The following ZIC3 variants were observed in gnomAD, a reference collection of about 807,000 sequenced individuals.
The protein encoded by ZIC3 is zinc finger protein ZIC 3.
A neutral mutation model predicts 18.3 loss-of-function variants in ZIC3; 6 were observed. That is an observed-to-expected ratio of 0.33 (90% CI 0.18 to 0.65). The LOEUF (loss-of-function observed/expected upper bound fraction) is 0.65, where lower values mean the gene tolerates loss of function less well. ZIC3 is among the 30% of genes least tolerant of loss of function. ZIC3 has a pLI of 0.75. For synonymous variants in ZIC3, 175 were observed against 177.0 expected (o/e 0.99, Z 0.09); for missense variants, 260 against 410.0 (o/e 0.63, Z 3.16).
In ZIC3 at chrX:137,570,689, A is replaced by G. The variant is rs1415581071; in HGVS notation, c.*619A>G. 8.8e-6 allele frequency: 1 copy of G among 113,166 alleles called. No individual in the cohort carries two copies. The highest frequency in any genetic ancestry group is 3.6e-4 in the South Asian group (1 of 2,761). The allele number at this position is 113,166 out of a possible 1,213,427, so 9.3% of individuals were successfully genotyped here. A position where few individuals can be genotyped will look rare whatever the true frequency, so the allele number is the denominator to read the frequency against. ...TTGTAAATACATATCCATTGATGCC[A>G]TATTTATCGTTTGTAATTTAATTAT... On this transcript the variant is annotated 3_prime_UTR_variant, in exon 3 of 3. Coordinates refer to ENST00000287538, the MANE Select transcript of ZIC3 (RefSeq NM_003413.4).
downstream of ZIC3, among the ~76,000 whole-genome samples, chrX:137,574,930 A>T (rs978763662): frequency 3.6e-4 from 40 of 112,090 alleles, 1 homozygote; most frequent in Admixed American, 3.7e-3. Flanking sequence ...GGAAGCGAAG[A>T]AGTTCTTCCT....
At chrX:137,573,674 G>A (rs907669690), downstream of ZIC3, 1 of 113,063 alleles carries the variant, frequency 8.8e-6, no homozygotes, top group African/African-American at 3.2e-5. Flanking sequence ...GAAAAGAGAG[G>A]TTATCTTGGC....
At chrX:137,577,341 G>A (rs1931525525) in exon 3 of ZIC3, 1 of 398,052 alleles carries the variant, frequency 2.5e-6, no homozygotes, top group Admixed American at 4.1e-5. Context: ...AAGAGTAGTA[G>A]CTTCTTCCCT....
downstream of ZIC3, among the ~76,000 whole-genome samples, chrX:137,574,500 C>T (rs994560643): frequency 3.4e-4 from 39 of 113,484 alleles, no homozygotes; most frequent in Non-Finnish European, 6.2e-4. Context: ...CCCAACCCCT[C>T]CCCCGCTTCC....
downstream of ZIC3, among the ~76,000 whole-genome samples, chrX:137,575,974 A>C (rs1931509321): frequency 9.0e-6 from 1 of 111,003 alleles, no homozygotes; most frequent in Non-Finnish European, 1.9e-5. Context: ...TCCTTTTCTT[A>C]TGTGTGATTC....
In ZIC3 at chrX:137,566,610, C is replaced by T; in HGVS notation, c.-82C>T. ...TCCAACCGCCGCCACCCCTTTCCGA[C>T]TACGGCACTTCGGAGATCTCCTCCT... On this transcript the variant is annotated 5_prime_UTR_variant, in exon 1 of 3. Coordinates refer to ENST00000287538, the MANE Select transcript of ZIC3 (RefSeq NM_003413.4). The T allele has an allele frequency of 8.6e-7, 1 of 1,160,568 alleles. No homozygotes were observed. Among genetic ancestry groups the T allele is most frequent in the Non-Finnish European group, 1.1e-6 (1 of 874,845 alleles).
At chrX:137,577,044 A>G, downstream of ZIC3, 1 of 427,535 alleles carries the variant, frequency 2.3e-6, no homozygotes, top group Non-Finnish European at 4.2e-6. Flanking sequence ...TTCATGTGAC[A>G]TTTTATGACA....
rs903525013 is a variant in ZIC3 at position 137,567,063 on chromosome X, C to T, written c.372C>T (p.Ser124=). 18 of 1,179,053 alleles carry T rather than the reference C, an allele frequency of 1.5e-5. No individual in the cohort carries two copies. Among genetic ancestry groups the T allele is most frequent in the Middle Eastern group, 2.3e-4 (1 of 4,333 alleles). ...STREFLFRQR[S]SGLSEAASGG... ...GCGAGTTTCTGTTCCGCCAGCGCAG[C>T]TCCGGGCTCAGTGAGGCGGCCTCGG... The change falls in exon 1 of 3, where the codon AGC becomes AGT. Residue 124 remains serine (S), a synonymous_variant. Transcript: ENST00000287538.
At chrX:137,572,124 T>C (rs964165761), downstream of ZIC3, among the ~76,000 whole-genome samples, 1 of 112,220 alleles carries the variant, frequency 8.9e-6, no homozygotes, top group Non-Finnish European at 1.9e-5. Flanking sequence ...GGTGCCTGAT[T>C]TTTTTTCATG....
chrX:137,566,764 C>T lies in ZIC3; in HGVS notation c.73C>T (p.His25Tyr), dbSNP rs1384553961. The change falls in exon 1 of 3, where the codon CAC becomes TAC. Residue 25 changes from histidine to tyrosine, a missense_variant. Around this residue, in one of 4 missense-constraint regions of ZIC3, gnomAD observed 183 missense variants for 223.8 expected, o/e 0.82. Transcript: ENST00000287538. Reference protein sequence around the residue: ...GVGSFGAPRHHEMPNREPAGM... With the variant: ...GVGSFGAPRHYEMPNREPAGM... The stretch of plus-strand genomic sequence containing the variant: ...GGGCAGCTTCGGCGCGCCGCGCCAC[C>T]ACGAGATGCCCAACCGTGAGCCGGC... The T allele has an allele frequency of 8.4e-7, 1 of 1,189,671 alleles. No individual in the cohort carries two copies. Among genetic ancestry groups the T allele is most frequent in the Non-Finnish European group, 1.1e-6 (1 of 885,936 alleles).
chrX:137,567,778 G>A (rs1225245762), intron 1 of ZIC3, 27 bp downstream of exon 1: 12 of 1,211,671 alleles, frequency 9.9e-6, no homozygotes, highest in South Asian at 3.5e-5. Flanking sequence ...GGCGGGCGTG[G>A]GTTCCACTGG....
chrX:137,575,519 G>A (rs1405154724), downstream of ZIC3, among the ~76,000 whole-genome samples: 1 of 111,265 alleles, frequency 9.0e-6, no homozygotes, highest in Non-Finnish European at 1.9e-5. Flanking sequence ...CTTCAGATGT[G>A]TCTTTTGTGA....
chrX:137,568,339 G>GATCTATCTATCTATCT (rs55777198), intron 1 of ZIC3, among the ~76,000 whole-genome samples: 15 of 79,807 alleles, frequency 1.9e-4, no homozygotes, highest in Non-Finnish European at 2.3e-4. Context: ...TGGATCGATC[G>GATCTATCTATCTATCT]ATCTATCTAT....
rs1931427899 is a variant in ZIC3, at chrX:137,570,878, C to G, written c.*808C>G. The G allele has an allele frequency of 8.9e-6, 1 of 112,767 alleles. No individual in the cohort carries two copies. The highest frequency in any genetic ancestry group is 3.2e-5 in the African/African-American group (1 of 30,947). The allele number at this position is 112,767 out of a possible 1,213,427, so 9.3% of individuals were successfully genotyped here. On this transcript the variant is annotated 3_prime_UTR_variant, in exon 3 of 3. Transcript: ENST00000287538. ...ACTCCTTTCTCTTGTTTTGTAACAG[C>G]CTTCTTCTACAAAGAGGAGATGTGA...
rs925888007 is a variant in ZIC3, at chrX:137,570,280, A to G, written c.*210A>G. On this transcript the variant is annotated 3_prime_UTR_variant, in exon 3 of 3. Coordinates refer to ENST00000287538, the MANE Select transcript of ZIC3 (RefSeq NM_003413.4). ...ATAGAAAATATGTTTTGGCATTTGA[A>G]GCATTTTTTACAAAATCTTTACACT... is the stretch of plus-strand genomic sequence containing the variant. 3.3e-5 allele frequency: 15 copies of G among 460,911 alleles called. No homozygotes were observed. Among genetic ancestry groups the G allele is most frequent in the Non-Finnish European group, 5.1e-5 (14 of 273,191 alleles). The allele number at this position is 460,911 out of a possible 1,213,427, so 38.0% of individuals were successfully genotyped here.
chrX:137,567,395 G>T lies in ZIC3; in HGVS notation c.704G>T (p.Gly235Val), dbSNP rs1931366031. Residue 235 changes from glycine (G) to valine (V), a missense_variant, in exon 1 of 3, where the codon GGG (glycine) becomes GTG (valine). Around this residue, in one of 4 missense-constraint regions of ZIC3, gnomAD observed 183 missense variants for 223.8 expected, o/e 0.82. Coordinates refer to ENST00000287538, the MANE Select transcript of ZIC3 (RefSeq NM_003413.4). ...NMGVNVAAHH[G>V]PGAFFRYMRQ... ...GGAGTGAACGTGGCGGCCCACCACGGGCCCGGCGCCTTCTTCCGTTATATG... is the reference window on the plus strand; with the variant it reads ...GGAGTGAACGTGGCGGCCCACCACGTGCCCGGCGCCTTCTTCCGTTATATG... 8.3e-7 allele frequency: 1 copy of T among 1,211,534 alleles called. No individual in the cohort carries two copies. The highest frequency in any genetic ancestry group is 1.7e-5 in the African/African-American group (1 of 57,838).
chrX:137,577,193 G>A, exon 3 of ZIC3: 1 of 525,289 alleles, frequency 1.9e-6, no homozygotes, highest in Non-Finnish European at 3.5e-6. Flanking sequence ...TTGGTATGCA[G>A]CAGCCAGCCC....
chrX:137,568,669 G>A (rs1323672191), intron 1 of ZIC3: 1 of 313,474 alleles, frequency 3.2e-6, no homozygotes, highest in African/African-American at 2.8e-5. Context: ...GACATGGTCA[G>A]GTTTTGGGCC....
In ZIC3 at chrX:137,566,822, C is replaced by T; in HGVS notation, c.131C>T (p.Thr44Ile). 1 of 1,165,078 alleles carries T rather than the reference C, an allele frequency of 8.6e-7. No individual in the cohort carries two copies. The highest frequency in any genetic ancestry group is 1.1e-6 in the Non-Finnish European group (1 of 874,656). ...GMGLNPFGDS[T>I]HAAAAAAAAA... ...GGGCTGAATCCCTTCGGGGACTCAACCCACGCCGCCGCCGCCGCCGCCGCC... is the reference window on the plus strand; with the variant it reads ...GGGCTGAATCCCTTCGGGGACTCAATCCACGCCGCCGCCGCCGCCGCCGCC... Residue 44 changes from threonine to isoleucine, a missense_variant, in exon 1 of 3, where the codon ACC becomes ATC. By Grantham distance (89) the Thr-to-Ile change is moderately conservative. Around this residue, in one of 4 missense-constraint regions of ZIC3, gnomAD observed 183 missense variants for 223.8 expected, o/e 0.82. Transcript: ENST00000287538.
Sources: allele counts gnomAD v4.1 joint callset (sites outside exome capture counted in the v4.1 genomes callset), GRCh38; gene constraint gnomAD v4.1.1; regional missense constraint gnomAD v4.1.1; transcripts MANE v1.5; gene names NCBI Gene and HGNC (gene_info 2026-07-23, HGNC 2026-07-21).